Variants in GNB5 observed in about 807,000 individuals in gnomAD.
GNB5 encodes the protein guanine nucleotide-binding protein subunit beta-5.
In GNB5, 37 loss-of-function variants were observed where a neutral mutation model predicts 55.3. The observed-to-expected ratio is 0.67, with a 90% CI of 0.51 to 0.88. GNB5 has a LOEUF of 0.88. Ranked by LOEUF, GNB5 falls within the 40% of genes least tolerant of loss-of-function variation. GNB5 has a pLI of 0.00. For missense variants in GNB5, 476 were observed against 515.3 expected, an observed-to-expected ratio of 0.92 and a Z score of 0.74; for synonymous variants, 219 against 198.5, an observed-to-expected ratio of 1.10 and a Z score of -0.87.
chr15:52,189,272 A>G (rs2141246237), intron 1 of GNB5, among the ~76,000 whole-genome samples: 1 of 152,298 alleles, frequency 6.6e-6, no homozygotes, highest in South Asian at 2.1e-4. Flanking sequence ...CCGCAATCCT[A>G]CTTCTAGATA....
At chr15:52,166,079 T>C (rs2034445096) in intron 3 of GNB5, among the ~76,000 whole-genome samples, 1 of 151,952 alleles carries the variant, frequency 6.6e-6, no homozygotes, top group Non-Finnish European at 1.5e-5. Context: ...CCAACAAAGA[T>C]AAAAAAAGAC....
At chr15:52,136,613 G>A (rs922404152) in intron 7 of GNB5, among the ~76,000 whole-genome samples, 6 of 152,142 alleles carry the variant, frequency 3.9e-5, no homozygotes, top group African/African-American at 9.7e-5. Flanking sequence ...TGCTTTTCCC[G>A]AGCACAGTGC....
chr15:52,135,845 A>G (rs2033690418), intron 7 of GNB5, 89 bp from the exon 8 acceptor site: 2 of 1,034,960 alleles, frequency 1.9e-6, no homozygotes, highest in South Asian at 2.6e-5. Flanking sequence ...TCCGCAGGGA[A>G]AAGCAGAACA....
intron 3 of GNB5, among the ~76,000 whole-genome samples, chr15:52,176,041 TC>T (rs1333662217): frequency 6.6e-6 from 1 of 151,094 alleles, no homozygotes; most frequent in Non-Finnish European, 1.5e-5. Flanking sequence ...AGAGCCAGAC[TC>T]CATCTCAAAA....
chr15:52,134,114 TAA>T (rs1305299765), intron 8 of GNB5, among the ~76,000 whole-genome samples: 1 of 152,216 alleles, frequency 6.6e-6, no homozygotes, highest in African/African-American at 2.4e-5. Context: ...TCAACACCTA[TAA>T]AGTCAATGCT....
At position 52,123,380 on chromosome 15, in the gene GNB5, C is replaced by A. The variant is rs556128437; in HGVS notation, c.1177-612G>T. On this transcript the variant is annotated intron_variant, in intron 12 of 12. Coordinates refer to ENST00000261837, the MANE Select transcript of GNB5 (RefSeq NM_016194.4). ...CTATTATGCCACAAAGTTGTCCAATCCTAATTAAGTGCCCCCCAACAAAGA... is the reference window on the plus strand; with the variant it reads ...CTATTATGCCACAAAGTTGTCCAATACTAATTAAGTGCCCCCCAACAAAGA... 1.1e-4 allele frequency among the ~76,000 whole-genome samples: 17 copies of A among 151,568 alleles called. No homozygotes were observed. In the East Asian group the frequency reaches 3.3e-3, roughly 30 times the overall value.
At chr15:52,156,956 G>C (rs1240438737) in intron 3 of GNB5, among the ~76,000 whole-genome samples, 1 of 141,488 alleles carries the variant, frequency 7.1e-6, no homozygotes, top group African/African-American at 2.7e-5. Context: ...TTTTTTTTGA[G>C]ACGGAGTCTC....
intron 2 of GNB5, among the ~76,000 whole-genome samples, chr15:52,183,387 C>T (rs1454267371): frequency 2.6e-5 from 4 of 151,888 alleles, no homozygotes; most frequent in Admixed American, 6.6e-5. Flanking sequence ...ACTAAATGTC[C>T]TCAGTTCTAC....
chr15:52,179,778 G>T lies in GNB5; in HGVS notation c.228C>A (p.His76Gln), dbSNP rs1336728663. ...CCGGCCCGCACTCACGCTCCACATC[G>T]TGCAGCTTGGCTCGCTCCTCCTCCA... ...GKLEEERAKL[H>Q]DVELHQVAER... Residue 76 changes from histidine to glutamine, a missense_variant, in exon 3 of 13, where the codon CAC (histidine) becomes CAA (glutamine). Coordinates refer to ENST00000261837, the MANE Select transcript of GNB5 (RefSeq NM_016194.4). The T allele has an allele frequency of 4.0e-6, 6 of 1,515,072 alleles. No individual in the cohort carries two copies. The African/African-American group carries it at 5.8e-5, about 15-fold the overall frequency. The allele number at this position is 1,515,072 out of a possible 1,614,324, so 93.9% of individuals were successfully genotyped here. A position where few individuals can be genotyped will look rare whatever the true frequency, so the allele number is the denominator to read the frequency against.
At position 52,132,206 on chromosome 15, in the gene GNB5, TGTGA is replaced by T. The variant is rs1186918479; in HGVS notation, c.863+1168_863+1171del. On this transcript the variant is annotated intron_variant, in intron 9 of 12. Transcript: ENST00000261837. ...CTGATAGCCTGGCTACTGCCATTGCTGTGAGTAATAAACTGTCCTTCATCTCTGA... is the reference window on the plus strand; with the variant it reads ...CTGATAGCCTGGCTACTGCCATTGCTGTAATAAACTGTCCTTCATCTCTGA... 2.6e-5 allele frequency among the ~76,000 whole-genome samples: 4 copies of T among 152,236 alleles called. 1 individual carries two copies. Among genetic ancestry groups the T allele is most frequent in the African/African-American group, 7.2e-5 (3 of 41,470 alleles).
chr15:52,188,837 G>A (rs2034880332), intron 1 of GNB5, among the ~76,000 whole-genome samples: 1 of 152,154 alleles, frequency 6.6e-6, no homozygotes. Flanking sequence ...AGTAAAACTT[G>A]AATCCCCCAT....
chr15:52,183,564 T>G (rs1353828955), intron 2 of GNB5, among the ~76,000 whole-genome samples: 2 of 152,392 alleles, frequency 1.3e-5, no homozygotes, highest in Admixed American at 6.5e-5. Context: ...ATTTTTAATG[T>G]AATCATGGTC....
At chr15:52,177,452 G>C (rs1596107170) in intron 3 of GNB5, among the ~76,000 whole-genome samples, 1 of 151,936 alleles carries the variant, frequency 6.6e-6, no homozygotes, top group Admixed American at 6.5e-5. Flanking sequence ...GAGGTCAGGA[G>C]TTCGAGACCA....
chr15:52,122,839 A>G lies in GNB5; in HGVS notation c.1177-71T>C, dbSNP rs1306603625. ...ACTTATAAAACTTGAGCTTAAAGAG[A>G]TAAAATTAGTCTATTCACACACATG... On this transcript the variant is annotated intron_variant, in intron 12 of 12. Coordinates refer to ENST00000261837, the MANE Select transcript of GNB5 (RefSeq NM_016194.4). 5 of 1,155,206 alleles carry G rather than the reference A, an allele frequency of 4.3e-6. No individual in the cohort carries two copies. In the African/African-American group the frequency reaches 6.1e-5, roughly 14 times the overall value. The allele number at this position is 1,155,206 out of a possible 1,614,324, so 71.6% of individuals were successfully genotyped here.
Position 52,120,194 on chromosome 15 carries a change from G to T in GNB5, c.*2563C>A, listed in dbSNP as rs1008593486. 1 of 152,164 alleles carries T rather than the reference G, an allele frequency of 6.6e-6. No homozygotes were observed. Among genetic ancestry groups the T allele is most frequent in the East Asian group, 1.9e-4 (1 of 5,200 alleles). 9.4% of individuals were successfully genotyped at this position (152,164 alleles called of 1,614,324 possible). A position where few individuals can be genotyped will look rare whatever the true frequency, so the allele number is the denominator to read the frequency against. ...CTGTTTGGCCCCTTCACCACAATTG[G>T]TTTGGTAGGTTTATCCCCAAGTCCT... On this transcript the variant is annotated 3_prime_UTR_variant, in exon 13 of 13. Transcript: ENST00000261837.
intron 6 of GNB5, 93 bp from the exon 7 acceptor site, chr15:52,141,365 CTT>C: frequency 6.7e-6 from 7 of 1,041,290 alleles, no homozygotes; most frequent in Middle Eastern, 2.1e-4. Flanking sequence ...AACATATTCT[CTT>C]TAGCAGTATC....
At chr15:52,181,676 G>A (rs2034773400) in intron 2 of GNB5, among the ~76,000 whole-genome samples, 1 of 152,092 alleles carries the variant, frequency 6.6e-6, no homozygotes, top group Admixed American at 6.5e-5. Context: ...GAAGACTTTA[G>A]CAGACTTCTC....
chr15:52,128,246 T>G lies in GNB5; in HGVS notation c.864-2A>C. 1 of 1,601,082 alleles carries G rather than the reference T, an allele frequency of 6.2e-7. No homozygotes were observed. Among genetic ancestry groups the G allele is most frequent in the Non-Finnish European group, 8.6e-7 (1 of 1,168,078 alleles). On this transcript the variant is annotated splice_acceptor_variant, in intron 9 of 12. Transcript: ENST00000261837. LOFTEE classifies it high-confidence loss of function. ...AAGGCATCTCCACTGGGGTAGTACC[T>G]GCAGAGAGAAAGTACTTTATCTACG...
rs2033268000 is a variant in GNB5 at position 52,121,563 on chromosome 15, C to T, written c.*1194G>A. 1 of 151,886 alleles carries T rather than the reference C, an allele frequency of 6.6e-6. No individual in the cohort carries two copies. The highest frequency in any genetic ancestry group is 2.4e-5 in the African/African-American group (1 of 41,352). The allele number at this position is 151,886 out of a possible 1,614,324, so 9.4% of individuals were successfully genotyped here. ...GACGTTATTATTCATGACTATCAAT[C>T]AATCTGCATATGTAATTATAATTGC... On this transcript the variant is annotated 3_prime_UTR_variant, in exon 13 of 13. Transcript: ENST00000261837.
Sources: allele counts gnomAD v4.1 joint callset (sites outside exome capture counted in the v4.1 genomes callset), GRCh38; gene constraint gnomAD v4.1.1; transcripts MANE v1.5; gene names NCBI Gene and HGNC (gene_info 2026-07-23, HGNC 2026-07-21).